Variants in SMKR1 observed in about 807,000 individuals in gnomAD.
The protein encoded by SMKR1 is small lysine-rich protein 1.
A neutral mutation model predicts 4.0 loss-of-function variants in SMKR1; 4 were observed. The observed-to-expected ratio is 1.00, with a 90% confidence interval of 0.49 to 2.30. SMKR1 has a LOEUF of 2.30. Among genes scored for constraint, SMKR1 ranks in the 30% most tolerant of loss-of-function variants. The pLI is 0.02. For synonymous variants in SMKR1, 38 were observed against 32.5 expected (o/e 1.17, Z -0.58); for missense variants, 56 against 81.8 (o/e 0.68, Z 1.22).
At chr7:129,507,102 G>A (rs1327609487) in intron 1 of SMKR1, among the ~76,000 whole-genome samples, 3 of 151,204 alleles carry the variant, frequency 2.0e-5, no homozygotes, top group Admixed American at 1.3e-4. Context: ...TGCAAGCTCC[G>A]CCTCCTGGGT....
At chr7:129,505,510 C>T (rs1330922810) in intron 1 of SMKR1, among the ~76,000 whole-genome samples, 1 of 151,264 alleles carries the variant, frequency 6.6e-6, no homozygotes, top group Admixed American at 6.6e-5. Context: ...CAGAGTTTCA[C>T]TCTTGTCGCC....
At chr7:129,502,997 G>A (rs1412206464) in intron 1 of SMKR1, among the ~76,000 whole-genome samples, 170 bp downstream of exon 1, 1 of 151,702 alleles carries the variant, frequency 6.6e-6, no homozygotes, top group Non-Finnish European at 1.5e-5. Flanking sequence ...GCCTGCTGGG[G>A]GCGCAGCAGC....
At chr7:129,506,203 G>T (rs944613917) in intron 1 of SMKR1, among the ~76,000 whole-genome samples, 1 of 152,190 alleles carries the variant, frequency 6.6e-6, no homozygotes, top group Non-Finnish European at 1.5e-5. Flanking sequence ...ATTTTGGGAG[G>T]CTGAGGCGAG....
chr7:129,511,284 A>T (rs1171492554), intron 1 of SMKR1, among the ~76,000 whole-genome samples: 2 of 152,230 alleles, frequency 1.3e-5, no homozygotes, highest in Admixed American at 6.5e-5. Context: ...AAAATCATAA[A>T]CTAAATCCTC....
chr7:129,508,256 G>T (rs902002071), intron 1 of SMKR1, among the ~76,000 whole-genome samples: 19 of 152,262 alleles, frequency 1.2e-4, no homozygotes, highest in African/African-American at 4.3e-4. Context: ...TGTTGAACAA[G>T]ATTATCTTTG....
rs565789424 is a variant in SMKR1 at position 129,502,924 on chromosome 7, C to G, written c.3+97C>G. 9.9e-5 allele frequency: 150 copies of G among 1,508,958 alleles called. 7 individuals are homozygous for G. The African/African-American group carries it at 1.8e-3, about 18-fold the overall frequency. 93.5% of individuals were successfully genotyped at this position (1,508,958 alleles called of 1,614,324 possible). On this transcript the variant is annotated intron_variant, in intron 1 of 1. Transcript: ENST00000462322. The stretch of plus-strand genomic sequence containing the variant: ...CGCGGGCGCCGAGGTCACCGCCTCT[C>G]CCTGGGGTCGACCTCAACGCGTGGC...
Position 129,512,531 on chromosome 7 carries a change from T to C in SMKR1, c.*90T>C. On this transcript the variant is annotated 3_prime_UTR_variant, in exon 2 of 2. Coordinates refer to ENST00000462322, the MANE Select transcript of SMKR1 (RefSeq NM_001195243.2). Reference sequence around the variant, plus strand: ...CAACTGTTGCCAGCAACATAGACTTTACTCCAGACGACTTGAGATGCAAAT... The same window carrying C: ...CAACTGTTGCCAGCAACATAGACTTCACTCCAGACGACTTGAGATGCAAAT... 1 of 1,270,686 alleles carries C rather than the reference T, an allele frequency of 7.9e-7. No homozygotes were observed. Among genetic ancestry groups the C allele is most frequent in the Non-Finnish European group, 1.0e-6 (1 of 957,956 alleles). The allele number at this position is 1,270,686 out of a possible 1,614,324, so 78.7% of individuals were successfully genotyped here.
chr7:129,503,829 CTT>C (rs11404964), intron 1 of SMKR1, among the ~76,000 whole-genome samples: 19 of 126,252 alleles, frequency 1.5e-4, no homozygotes, highest in South Asian at 1.0e-3. Flanking sequence ...GAGCTATTAC[CTT>C]TTTTTTTTTT....
At chr7:129,507,096 A>G (rs192408420) in intron 1 of SMKR1, among the ~76,000 whole-genome samples, 5 of 151,882 alleles carry the variant, frequency 3.3e-5, no homozygotes, top group African/African-American at 9.7e-5. Context: ...GCTCACTGCA[A>G]GCTCCGCCTC....
intron 1 of SMKR1, among the ~76,000 whole-genome samples, chr7:129,507,930 G>A (rs574803443): frequency 2.4e-4 from 36 of 152,000 alleles, no homozygotes; most frequent in Non-Finnish European, 4.7e-4. Flanking sequence ...TACATGATTT[G>A]TAGATATTTC....
intron 1 of SMKR1, among the ~76,000 whole-genome samples, chr7:129,508,654 G>A (rs1799493321): frequency 1.3e-5 from 2 of 152,088 alleles, no homozygotes; most frequent in South Asian, 4.1e-4. Flanking sequence ...GTAGTGGCCA[G>A]GCTGGTCTCA....
intron 1 of SMKR1, among the ~76,000 whole-genome samples, chr7:129,508,183 T>C (rs946706727): frequency 6.6e-6 from 1 of 152,240 alleles, no homozygotes; most frequent in Non-Finnish European, 1.5e-5. Context: ...TTTTTATATA[T>C]GGTGAGACTA....
At chr7:129,512,206 A>G in intron 1 of SMKR1, 41 bp from the exon 2 acceptor site, 1 of 1,478,192 alleles carries the variant, frequency 6.8e-7, no homozygotes, top group South Asian at 1.4e-5. Flanking sequence ...AAACCAAAAA[A>G]CTAACTTCCC....
In SMKR1 at chr7:129,502,632, C is replaced by G. The variant is rs1056623869; in HGVS notation, c.-193C>G. ...CTCCGCGGCTGGCTGCCTCCCGAGC[C>G]GGCCGCGCTCCTCCCAGCGAGGCGT... On this transcript the variant is annotated 5_prime_UTR_variant, in exon 1 of 2. Coordinates refer to ENST00000462322, the MANE Select transcript of SMKR1 (RefSeq NM_001195243.2). 2.6e-6 allele frequency: 2 copies of G among 770,232 alleles called. No homozygotes were observed. The highest frequency in any genetic ancestry group is 2.1e-5 in the South Asian group (1 of 46,626). 47.7% of individuals were successfully genotyped at this position (770,232 alleles called of 1,614,324 possible).
intron 1 of SMKR1, among the ~76,000 whole-genome samples, chr7:129,511,480 G>C (rs1799526136): frequency 6.6e-6 from 1 of 152,102 alleles, no homozygotes; most frequent in Non-Finnish European, 1.5e-5. Context: ...TCTGTGATTT[G>C]CTGCCATTGT....
Position 129,512,833 on chromosome 7 carries a change from C to T in SMKR1, c.*392C>T, listed in dbSNP as rs2151029033. 6.3e-6 allele frequency: 1 copy of T among 158,610 alleles called. No homozygotes were observed. The highest frequency in any genetic ancestry group is 6.5e-5 in the Admixed American group (1 of 15,354). The allele number at this position is 158,610 out of a possible 1,614,324, so 9.8% of individuals were successfully genotyped here. ...TTTAGAGAAGACACGGCAAGAAACACTGGGTTTCCTTAGGAACATTCCTCT... is the reference window on the plus strand; with the variant it reads ...TTTAGAGAAGACACGGCAAGAAACATTGGGTTTCCTTAGGAACATTCCTCT... On this transcript the variant is annotated 3_prime_UTR_variant, in exon 2 of 2. Transcript: ENST00000462322.
chr7:129,509,806 T>C lies in SMKR1; in HGVS notation c.4-2441T>C, dbSNP rs571343326. ...TGCCCGCCTCAGCCTCCCAAAGTGC[T>C]GGGATTACAGGCGTGAGCCAGCGCG... On this transcript the variant is annotated intron_variant, in intron 1 of 1. Coordinates refer to ENST00000462322, the MANE Select transcript of SMKR1 (RefSeq NM_001195243.2). 3.1e-4 allele frequency among the ~76,000 whole-genome samples: 47 copies of C among 152,352 alleles called. 1 individual carries two copies. The highest frequency in any genetic ancestry group is 1.1e-3 in the African/African-American group (44 of 41,578).
chr7:129,509,434 T>C (rs1337362017), intron 1 of SMKR1, among the ~76,000 whole-genome samples: 3 of 152,212 alleles, frequency 2.0e-5, no homozygotes, highest in Non-Finnish European at 4.4e-5. Context: ...GATTTTCATG[T>C]GGATTCTCTC....
At chr7:129,506,717 T>G (rs1218821682) in intron 1 of SMKR1, among the ~76,000 whole-genome samples, 1 of 151,068 alleles carries the variant, frequency 6.6e-6, no homozygotes, top group African/African-American at 2.4e-5. Flanking sequence ...CTTTTTTTAC[T>G]TGAGTAATTA....
Sources: gnomAD v4.1 joint callset for allele counts (sites outside exome capture counted in the v4.1 genomes callset) on GRCh38, gnomAD v4.1.1 for gene constraint, MANE v1.5 for transcripts, NCBI Gene and HGNC (gene_info 2026-07-23, HGNC 2026-07-21) for gene names.